The following GRK5 variants were observed in gnomAD, a reference collection of about 807,000 sequenced individuals.
The protein encoded by GRK5 is g protein-coupled receptor kinase GRK5.
GRK5 carries 40 observed loss-of-function variants against 78.4 expected under a neutral mutation model. That is an observed-to-expected ratio of 0.51 (90% confidence interval 0.40 to 0.66). The LOEUF is 0.66. GRK5 is among the 30% of genes least tolerant of loss of function. GRK5 has a pLI of 0.00. For synonymous variants in GRK5, 289 were observed against 296.8 expected (o/e 0.97, Z 0.27); for missense variants, 598 against 759.9 (o/e 0.79, Z 2.50).
intron 10 of GRK5, 75 bp from the exon 11 acceptor site, chr10:119,441,924 G>A: frequency 8.5e-7 from 1 of 1,183,314 alleles, no homozygotes. Flanking sequence ...CGTATGCCTT[G>A]CCCAAGGGCA....
chr10:119,279,750 A>C (rs1849730470), intron 1 of GRK5, among the ~76,000 whole-genome samples: 1 of 152,276 alleles, frequency 6.6e-6, no homozygotes, highest in Admixed American at 6.5e-5. Context: ...TGTGCGTGCC[A>C]GTAACTGCCT....
At chr10:119,298,483 C>T (rs530590937) in intron 1 of GRK5, among the ~76,000 whole-genome samples, 1 of 152,336 alleles carries the variant, frequency 6.6e-6, no homozygotes, top group East Asian at 1.9e-4. Flanking sequence ...TCTCTTGATG[C>T]CATTGACTCT....
chr10:119,427,819 A>C (rs1283016218), intron 6 of GRK5, among the ~76,000 whole-genome samples: 1 of 152,158 alleles, frequency 6.6e-6, no homozygotes, highest in Non-Finnish European at 1.5e-5. Context: ...CATCACCACC[A>C]TCATCAGCAT....
Position 119,379,375 on chromosome 10 carries a change from A to G in GRK5, c.149-1440A>G, listed in dbSNP as rs532682886. Among the ~76,000 whole-genome samples, 12 of 152,270 alleles carry G rather than the reference A, an allele frequency of 7.9e-5. No individual in the cohort carries two copies. The highest frequency in any genetic ancestry group is 2.4e-4 in the African/African-American group (10 of 41,552). On this transcript the variant is annotated intron_variant, in intron 2 of 15. Coordinates refer to ENST00000392870, the MANE Select transcript of GRK5 (RefSeq NM_005308.3). This position sits in a 1 kb window ranked among gnomAD's most constrained non-coding sequence, Gnocchi z 4.1. Reference sequence around the variant, plus strand: ...CTCCAGAGCCCACACTGACACTCACAGCTACCACGAGATCCTCCCTCCCGG... The same window carrying G: ...CTCCAGAGCCCACACTGACACTCACGGCTACCACGAGATCCTCCCTCCCGG...
rs1004803531 is a variant in GRK5 at position 119,445,978 on chromosome 10, C to T, written c.1267-2145C>T. Among the ~76,000 whole-genome samples the T allele has an allele frequency of 1.3e-5, 2 of 152,196 alleles. No individual in the cohort carries two copies. Among genetic ancestry groups the T allele is most frequent in the Non-Finnish European group, 2.9e-5 (2 of 68,024 alleles). ...ACCACTTTGTCTCCTGAGCCCAGTCCATGGGCCCAGACCTCAGCCTCCATC... is the reference window on the plus strand; with the variant it reads ...ACCACTTTGTCTCCTGAGCCCAGTCTATGGGCCCAGACCTCAGCCTCCATC... On this transcript the variant is annotated intron_variant, in intron 12 of 15. Coordinates refer to ENST00000392870, the MANE Select transcript of GRK5 (RefSeq NM_005308.3). The surrounding 1 kb of genome is among the most constrained non-coding windows in gnomAD (Gnocchi z 4.1).
rs1564930851 is a variant in GRK5 at position 119,427,291 on chromosome 10, C to CACCATCAACAGCATCACT, written c.533+2206_533+2207insACCATCAACAGCATCACT. 4.4e-4 allele frequency among the ~76,000 whole-genome samples: 66 copies of CACCATCAACAGCATCACT among 150,188 alleles called. 3 individuals are homozygous for CACCATCAACAGCATCACT. The highest frequency in any genetic ancestry group is 1.5e-3 in the African/African-American group (61 of 39,928). ...CATCAACCACCATCTTCAGCATCAT[C>CACCATCAACAGCATCACT]GCCATCAACAGCATCACTGCCATCA... is the stretch of plus-strand genomic sequence containing the variant. On this transcript the variant is annotated intron_variant, in intron 6 of 15. Transcript: ENST00000392870.
intron 1 of GRK5, among the ~76,000 whole-genome samples, chr10:119,308,581 G>A (rs574657537): frequency 1.3e-5 from 2 of 152,210 alleles, no homozygotes; most frequent in Non-Finnish European, 2.9e-5. Flanking sequence ...ACAAAGTTAG[G>A]AGGCGTGTGT....
chr10:119,331,512 C>T (rs996417762), intron 2 of GRK5, among the ~76,000 whole-genome samples: 8 of 152,310 alleles, frequency 5.3e-5, no homozygotes, highest in Non-Finnish European at 7.4e-5. Context: ...TGGCCAATAC[C>T]GCATTTATTT....
At chr10:119,209,500 T>G (rs1234790799) in intron 1 of GRK5, among the ~76,000 whole-genome samples, 1 of 58,986 alleles carries the variant, frequency 1.7e-5, no homozygotes, top group Admixed American at 1.3e-4. Flanking sequence ...TTTTTTTTTT[T>G]TTTTTTTTTT....
chr10:119,232,723 T>C (rs34144243), intron 1 of GRK5, among the ~76,000 whole-genome samples: 29,092 of 152,152 alleles, frequency 0.19, 3,705 homozygotes, highest in African/African-American at 0.37. Context: ...TCTCCCACCA[T>C]GATTATGAGG....
At chr10:119,284,294 C>G (rs930060605) in intron 1 of GRK5, among the ~76,000 whole-genome samples, 6 of 152,014 alleles carry the variant, frequency 3.9e-5, no homozygotes, top group Non-Finnish European at 8.8e-5. Context: ...CCAGTATCTG[C>G]AAATGGTTAT....
At chr10:119,382,172 A>G (rs1217449399) in intron 3 of GRK5, among the ~76,000 whole-genome samples, 1 of 108,182 alleles carries the variant, frequency 9.2e-6, no homozygotes, top group East Asian at 2.1e-4. Context: ...TGCCCAGGCC[A>G]GCTCCCTCCC....
At chr10:119,223,504 G>A (rs561324909) in intron 1 of GRK5, among the ~76,000 whole-genome samples, 6 of 152,044 alleles carry the variant, frequency 3.9e-5, no homozygotes, top group Admixed American at 1.3e-4. Context: ...TAGAACCCTG[G>A]AGCTGGTGGG....
intron 1 of GRK5, among the ~76,000 whole-genome samples, chr10:119,270,208 C>T (rs1849563855): frequency 6.6e-6 from 1 of 152,252 alleles, no homozygotes; most frequent in Non-Finnish European, 1.5e-5. Context: ...CTGTTCATCT[C>T]TTTGCCACTT....
intron 3 of GRK5, among the ~76,000 whole-genome samples, chr10:119,383,434 A>G (rs1044239651): frequency 6.6e-6 from 1 of 152,246 alleles, no homozygotes; most frequent in African/African-American, 2.4e-5. Context: ...AGGGCTTGCA[A>G]CATGGCAACA....
rs117566422 is a variant in GRK5, at chr10:119,347,121, C to T, written c.148+20510C>T. On this transcript the variant is annotated intron_variant, in intron 2 of 15. Transcript: ENST00000392870. The stretch of plus-strand genomic sequence containing the variant: ...CCTGGGCTCATGCACTCTGTTGCCT[C>T]TCGGCCTTCCACAAGAGTCTGCAGG... Among the ~76,000 whole-genome samples, 115 of 152,304 alleles carry T rather than the reference C, an allele frequency of 7.6e-4. 1 individual carries two copies. In the East Asian group the frequency reaches 0.02, roughly 26 times the overall value.
intron 4 of GRK5, among the ~76,000 whole-genome samples, chr10:119,406,099 C>T (rs948412369): frequency 3.3e-5 from 5 of 152,180 alleles, no homozygotes; most frequent in Admixed American, 6.5e-5. Context: ...GGTAGCACTG[C>T]CTGCGACTTT....
intron 2 of GRK5, among the ~76,000 whole-genome samples, chr10:119,344,001 T>C (rs962587057): frequency 5.9e-5 from 9 of 152,108 alleles, no homozygotes; most frequent in African/African-American, 2.2e-4. Flanking sequence ...GCTCAGGTAA[T>C]GCCACAGGAG....
chr10:119,347,248 C>T (rs773426686), intron 2 of GRK5, among the ~76,000 whole-genome samples: 4 of 152,048 alleles, frequency 2.6e-5, no homozygotes, highest in Non-Finnish European at 5.9e-5. Flanking sequence ...TGTGTGTGCA[C>T]ATGCAAGTTT....
Sources: allele counts gnomAD v4.1 joint callset (sites outside exome capture counted in the v4.1 genomes callset), GRCh38; gene constraint gnomAD v4.1.1; non-coding constraint Gnocchi (gnomAD v3.1); transcripts MANE v1.5; gene names NCBI Gene and HGNC (gene_info 2026-07-23, HGNC 2026-07-21).